Variants in COL18A1 observed in about 807,000 individuals in gnomAD.
The protein encoded by COL18A1 is collagen type XVIII alpha 1 chain, also known as collagen alpha-1(XVIII) chain.
In COL18A1, 133 loss-of-function variants were observed where a neutral mutation model predicts 168.0. That is an observed-to-expected ratio of 0.79 (90% CI 0.69 to 0.91). COL18A1 has a LOEUF of 0.91. COL18A1 is among the 40% of genes least tolerant of loss of function. COL18A1 has a pLI of 0.00. For missense variants in COL18A1, 2,126 were observed against 1,925.4 expected, an observed-to-expected ratio of 1.10 and a Z score of -1.95; for synonymous variants, 949 against 809.0, an observed-to-expected ratio of 1.17 and a Z score of -2.94.
chr21:45,449,203 G>A (rs549012614), intron 2 of COL18A1, among the ~76,000 whole-genome samples: 37 of 152,338 alleles, frequency 2.4e-4, no homozygotes, highest in South Asian at 2.1e-4. Flanking sequence ...CTGGGGCTGC[G>A]GTGGAGGTTG....
chr21:45,454,062 T>G (rs2034719636), intron 2 of COL18A1, among the ~76,000 whole-genome samples: 1 of 152,160 alleles, frequency 6.6e-6, no homozygotes, highest in African/African-American at 2.4e-5. Context: ...GCAGCAGCAG[T>G]CAGTTTTCAA....
At position 45,470,135 on chromosome 21, in the gene COL18A1, G is replaced by A. The variant is rs77630029; in HGVS notation, c.651+1349G>A. Among the ~76,000 whole-genome samples the A allele has an allele frequency of 3.0e-4, 46 of 152,374 alleles. No individual in the cohort carries two copies. In the East Asian group the frequency reaches 6.2e-3, roughly 20 times the overall value. On this transcript the variant is annotated intron_variant, in intron 3 of 41. Coordinates refer to ENST00000651438, the MANE Select transcript of COL18A1 (RefSeq NM_001379500.1). ...TGGTGCTAGGGAGAGCCGGGCCACC[G>A]CCCTGCGGTGAGGGCCTCCTCATCA...
At chr21:45,435,678 C>T (rs79492458) in intron 2 of COL18A1, among the ~76,000 whole-genome samples, 2,963 of 152,110 alleles carry the variant, frequency 0.019, 94 homozygotes, top group African/African-American at 0.067. Flanking sequence ...CTGGGGTAGA[C>T]GCTGGGTGGA....
At chr21:45,466,448 AGGAAGGTTGAGCTCTCGCACCCG>A in intron 2 of COL18A1, among the ~76,000 whole-genome samples, 1 of 152,284 alleles carries the variant, frequency 6.6e-6, no homozygotes, top group African/African-American at 2.4e-5. Context: ...CACCATACCC[AGGAAGGTTGAGCTCTCGCACCCG>A]GGAAGGCTGA....
intron 2 of COL18A1, among the ~76,000 whole-genome samples, chr21:45,438,341 C>CAG (rs2034270984): frequency 2.7e-5 from 1 of 37,472 alleles, no homozygotes; most frequent in Non-Finnish European, 5.4e-5. Flanking sequence ...CACACACACT[C>CAG]ACACACTCAG....
chr21:45,470,116 T>C (rs1246787713), intron 3 of COL18A1, among the ~76,000 whole-genome samples: 4 of 152,232 alleles, frequency 2.6e-5, no homozygotes, highest in African/African-American at 7.2e-5. Context: ...CCGATGGTGC[T>C]AGGGAGAGCC....
At chr21:45,453,242 G>A (rs554829246) in intron 2 of COL18A1, among the ~76,000 whole-genome samples, 2 of 152,302 alleles carry the variant, frequency 1.3e-5, no homozygotes, top group South Asian at 4.1e-4. Context: ...GCTTGTGTAT[G>A]CATATGAGCA....
chr21:45,441,189 C>T (rs2034360771), intron 2 of COL18A1, among the ~76,000 whole-genome samples: 1 of 152,204 alleles, frequency 6.6e-6, no homozygotes, highest in Non-Finnish European at 1.5e-5. Flanking sequence ...CTGGACACCA[C>T]AGCTCCCCTA....
At chr21:45,460,847 A>C (rs1204063838) in intron 2 of COL18A1, among the ~76,000 whole-genome samples, 1 of 152,082 alleles carries the variant, frequency 6.6e-6, no homozygotes, top group Non-Finnish European at 1.5e-5. Flanking sequence ...TCAGCATTTA[A>C]CTCCTACTGG....
intron 2 of COL18A1, among the ~76,000 whole-genome samples, chr21:45,427,552 C>G (rs2033840310): frequency 6.6e-6 from 1 of 152,206 alleles, no homozygotes; most frequent in African/African-American, 2.4e-5. Context: ...CTGCTCTTGA[C>G]CTCACACCTC....
In COL18A1 at chr21:45,498,313, C is replaced by T. The variant is rs532446385; in HGVS notation, c.2683+652C>T. On this transcript the variant is annotated intron_variant, in intron 32 of 41. Coordinates refer to ENST00000651438, the MANE Select transcript of COL18A1 (RefSeq NM_001379500.1). This position sits in a 1 kb window ranked among gnomAD's most constrained non-coding sequence, Gnocchi z 4.5. ...CCACCAGGGTCCCCTCTCGCCGCCA[C>T]GGTCCCCTCTCGCCGCCAGGGTCCC... The T allele has an allele frequency of 8.5e-5, 59 of 691,294 alleles. 1 individual carries two copies. The highest frequency in any genetic ancestry group is 7.8e-4 in the Middle Eastern group (3 of 3,842). The allele number at this position is 691,294 out of a possible 1,614,324, so 42.8% of individuals were successfully genotyped here. A position where few individuals can be genotyped will look rare whatever the true frequency, so the allele number is the denominator to read the frequency against.
At chr21:45,439,538 T>G (rs924364835) in intron 2 of COL18A1, among the ~76,000 whole-genome samples, 1 of 152,266 alleles carries the variant, frequency 6.6e-6, no homozygotes, top group African/African-American at 2.4e-5. Context: ...CTTCGGTGCC[T>G]GCTGAGAAAT....
chr21:45,479,834 A>G, intron 9 of COL18A1, 68 bp from the exon 10 acceptor site: 1 of 1,605,046 alleles, frequency 6.2e-7, no homozygotes, highest in South Asian at 1.1e-5. Context: ...GGGGAGGAGC[A>G]CTGAGAGTGC....
intron 18 of COL18A1, among the ~76,000 whole-genome samples, chr21:45,489,074 A>G (rs927087859): frequency 5.3e-5 from 8 of 151,690 alleles, no homozygotes; most frequent in African/African-American, 1.5e-4. Flanking sequence ...CTGGGGCTGC[A>G]CTCTCACGCG....
At chr21:45,494,483 G>A (rs1218956106) in intron 26 of COL18A1, 62 bp from the exon 27 acceptor site, 1 of 1,611,998 alleles carries the variant, frequency 6.2e-7, no homozygotes, top group African/African-American at 1.3e-5. Context: ...GGGGCCCTCA[G>A]AGAGGCTGCC....
intron 32 of COL18A1, among the ~76,000 whole-genome samples, chr21:45,499,407 C>A (rs1469052334): frequency 4.0e-5 from 6 of 151,310 alleles, no homozygotes; most frequent in Non-Finnish European, 8.9e-5. Context: ...CACATGGCAT[C>A]CCAGGAACAG....
chr21:45,443,042 CGGTGCTGGTGTGGGCGGT>C lies in COL18A1; in HGVS notation c.107-25195_107-25178del, dbSNP rs1818608342. Among the ~76,000 whole-genome samples the C allele has an allele frequency of 8.2e-6, 1 of 121,732 alleles. No individual in the cohort carries two copies. Among genetic ancestry groups the C allele is most frequent in the Non-Finnish European group, 1.7e-5 (1 of 58,442 alleles). 79.9% of individuals were successfully genotyped at this position (121,732 alleles called of 152,430 possible). A position where few individuals can be genotyped will look rare whatever the true frequency, so the allele number is the denominator to read the frequency against. ...GTGGTGGTGGTGCTGATGTGGGCGG[CGGTGCTGGTGTGGGCGGT>C]GGTGGTGCTGGTGTGGGTGGTGGTG... On this transcript the variant is annotated intron_variant, in intron 2 of 41. Transcript: ENST00000651438. This position sits in a 1 kb window ranked among gnomAD's most constrained non-coding sequence, Gnocchi z 5.2.
chr21:45,450,745 C>T (rs779590615), intron 2 of COL18A1, among the ~76,000 whole-genome samples: 39 of 152,160 alleles, frequency 2.6e-4, no homozygotes, highest in Non-Finnish European at 4.7e-4. Flanking sequence ...TGGTCTCCCT[C>T]GTCCTCTGAA....
intron 2 of COL18A1, among the ~76,000 whole-genome samples, chr21:45,434,872 C>T (rs1382852787): frequency 1.3e-5 from 2 of 152,140 alleles, no homozygotes; most frequent in East Asian, 3.9e-4. Context: ...GAGGGGTGAC[C>T]CAGGGCCTTT....
Sources: gnomAD v4.1 joint callset for allele counts (sites outside exome capture counted in the v4.1 genomes callset) on GRCh38, gnomAD v4.1.1 for gene constraint, Gnocchi (gnomAD v3.1) non-coding constraint, MANE v1.5 for transcripts, NCBI Gene and HGNC (gene_info 2026-07-23, HGNC 2026-07-21) for gene names.